The following ZNF860 variants were observed in gnomAD, a reference collection of about 807,000 sequenced individuals.
ZNF860 encodes zinc finger protein 860.
For synonymous variants in ZNF860, 206 were observed against 248.9 expected (o/e 0.83, Z 1.62); for missense variants, 641 against 759.2 (o/e 0.84, Z 1.83).
chr3:31,999,130 C>T, the ZNF860 span, among the ~76,000 whole-genome samples: 12 of 152,120 alleles, frequency 7.9e-5, no homozygotes, highest in Non-Finnish European at 1.3e-4. Flanking sequence ...CAGCTGTCTC[C>T]CCTCTGCTGT....
chr3:32,004,490 G>A, the ZNF860 span, among the ~76,000 whole-genome samples: 2 of 152,332 alleles, frequency 1.3e-5, no homozygotes, highest in East Asian at 3.9e-4. Flanking sequence ...TCAGAACACA[G>A]GGACAAAAAA....
At chr3:32,004,555 A>G in the ZNF860 span, among the ~76,000 whole-genome samples, 1 of 152,192 alleles carries the variant, frequency 6.6e-6, no homozygotes, top group Non-Finnish European at 1.5e-5. Flanking sequence ...GAACTAGAAA[A>G]TCTTGTTTCC....
At chr3:32,002,980 A>G in the ZNF860 span, among the ~76,000 whole-genome samples, 1 of 152,206 alleles carries the variant, frequency 6.6e-6, no homozygotes. Context: ...TTTAGACTTC[A>G]TTTAGGTCAG....
At chr3:32,004,942 C>T in the ZNF860 span, among the ~76,000 whole-genome samples, 1 of 152,192 alleles carries the variant, frequency 6.6e-6, no homozygotes, top group East Asian at 1.9e-4. Flanking sequence ...TGTTTCTCCC[C>T]ATAGGCACCC....
Position 31,989,806 on chromosome 3 carries a change from T to C in ZNF860, c.727T>C (p.Ser243Pro), listed in dbSNP as rs757107453. 6 of 1,614,144 alleles carry C rather than the reference T, an allele frequency of 3.7e-6. No individual in the cohort carries two copies. In the South Asian group the frequency reaches 6.6e-5, roughly 18 times the overall value. ...GAGTGGCAAAGCCTTTAATTGTAGC[T>C]CACTCTTAAGGAAACATCAGATAAT... Reference protein sequence around the residue: ...NESGKAFNCSSLLRKHQIIYL... With the variant: ...NESGKAFNCSPLLRKHQIIYL... Residue 243 changes from serine to proline, a missense_variant, in exon 2 of 2, where the codon TCA becomes CCA. By Grantham distance (74) the Ser-to-Pro change is moderately conservative. Coordinates refer to ENST00000360311, the MANE Select transcript of ZNF860 (RefSeq NM_001137674.3).
rs550108320 is a variant in ZNF860, at chr3:31,988,927, G to A, written c.-153G>A. 3.3e-5 allele frequency: 33 copies of A among 1,014,592 alleles called. No individual in the cohort carries two copies. The highest frequency in any genetic ancestry group is 3.3e-4 in the Middle Eastern group (1 of 3,062). The allele number at this position is 1,014,592 out of a possible 1,614,324, so 62.8% of individuals were successfully genotyped here. ...CCCAGCTGAAGTGCCTCCAAACCCCGACCCACAGCGACTGTGAGATAATCA... is the reference window on the plus strand; with the variant it reads ...CCCAGCTGAAGTGCCTCCAAACCCCAACCCACAGCGACTGTGAGATAATCA... On this transcript the variant is annotated 5_prime_UTR_variant, in exon 2 of 2. Transcript: ENST00000360311.
rs770476566 is a variant in ZNF860 at position 31,990,740 on chromosome 3, A to T, written c.1661A>T (p.Glu554Val). ...DTVFSRKSHHETHKRIHTGEK... is the reference protein window; with the variant it reads ...DTVFSRKSHHVTHKRIHTGEK... Reference sequence around the variant, plus strand: ...GTTTTCAGTCGCAAATCACACCATGAAACACATAAGAGAATTCATACTGGA... The same window carrying T: ...GTTTTCAGTCGCAAATCACACCATGTAACACATAAGAGAATTCATACTGGA... Residue 554 changes from glutamate (E) to valine (V), a missense_variant, in exon 2 of 2, where the codon GAA (glutamate) becomes GTA (valine). Glu to Val is a moderately radical substitution (Grantham distance 121, BLOSUM62 -2). Coordinates refer to ENST00000360311, the MANE Select transcript of ZNF860 (RefSeq NM_001137674.3). 1.2e-6 allele frequency: 2 copies of T among 1,613,674 alleles called. No individual in the cohort carries two copies. The highest frequency in any genetic ancestry group is 1.3e-5 in the African/African-American group (1 of 74,866).
intron 1 of ZNF860, 53 bp from the exon 2 acceptor site, chr3:31,988,607 G>T: frequency 5.8e-6 from 1 of 171,132 alleles, no homozygotes; most frequent in East Asian, 1.6e-4. Flanking sequence ...GTTCACTCTC[G>T]CTCTCTCTCT....
At position 31,991,584 on chromosome 3, in the gene ZNF860, G is replaced by T; in HGVS notation, c.*606G>T. ...ATGTATGGAAATTTAACTAATTTTT[G>T]GTACTGATATTGTATTCTGCAAATA... On this transcript the variant is annotated 3_prime_UTR_variant, in exon 2 of 2. Coordinates refer to ENST00000360311, the MANE Select transcript of ZNF860 (RefSeq NM_001137674.3). The T allele has an allele frequency of 6.0e-6, 1 of 166,290 alleles. No homozygotes were observed. The allele number at this position is 166,290 out of a possible 1,614,324, so 10.3% of individuals were successfully genotyped here.
rs531902153 is a variant in ZNF860 at position 31,988,906 on chromosome 3, G to A, written c.-174G>A. Reference sequence around the variant, plus strand: ...AGAGACACTGAGCCAGGAACACCCAGCTGAAGTGCCTCCAAACCCCGACCC... The same window carrying A: ...AGAGACACTGAGCCAGGAACACCCAACTGAAGTGCCTCCAAACCCCGACCC... On this transcript the variant is annotated 5_prime_UTR_variant, in exon 2 of 2. Transcript: ENST00000360311. 1.3e-5 allele frequency: 10 copies of A among 766,344 alleles called. No individual in the cohort carries two copies. The highest frequency in any genetic ancestry group is 1.2e-4 in the African/African-American group (7 of 56,838). 47.5% of individuals were successfully genotyped at this position (766,344 alleles called of 1,614,324 possible). A position where few individuals can be genotyped will look rare whatever the true frequency, so the allele number is the denominator to read the frequency against.
chr3:31,993,761 A>G (rs887839458), downstream of ZNF860, among the ~76,000 whole-genome samples: 2 of 152,152 alleles, frequency 1.3e-5, no homozygotes, highest in Admixed American at 1.3e-4. Context: ...ACTCTTACAC[A>G]TTGCTGGTGA....
At chr3:31,987,629 G>T (rs1698951978) in intron 1 of ZNF860, among the ~76,000 whole-genome samples, 1 of 152,156 alleles carries the variant, frequency 6.6e-6, no homozygotes, top group Non-Finnish European at 1.5e-5. Flanking sequence ...CTAATCCACA[G>T]GGTCTCTCAT....
At chr3:31,994,735 G>A (rs72854177), downstream of ZNF860, among the ~76,000 whole-genome samples, 1,408 of 152,270 alleles carry the variant, frequency 9.2e-3, 26 homozygotes, top group African/African-American at 0.032. Flanking sequence ...TACTGCCAAA[G>A]GAAGAAACAG....
rs1409795583 is a variant in ZNF860 at position 31,990,184 on chromosome 3, C to A, written c.1105C>A (p.Pro369Thr). Reference sequence around the variant, plus strand: ...CACTAGAATTCACACTGGAGAGAAACCTTACAAGTGTAATGAGTGTGGCAA... The same window carrying A: ...CACTAGAATTCACACTGGAGAGAAAACTTACAAGTGTAATGAGTGTGGCAA... ...QHTRIHTGEK[P>T]YKCNECGKAF... Residue 369 changes from proline to threonine, a missense_variant, in exon 2 of 2, where the codon CCT (proline) becomes ACT (threonine). Pro to Thr is a conservative substitution (Grantham distance 38, BLOSUM62 -1). Transcript: ENST00000360311. 5 of 1,613,756 alleles carry A rather than the reference C, an allele frequency of 3.1e-6. No homozygotes were observed. The highest frequency in any genetic ancestry group is 1.3e-5 in the African/African-American group (1 of 74,874).
the ZNF860 span, among the ~76,000 whole-genome samples, chr3:31,997,805 A>G: frequency 2.0e-5 from 3 of 151,920 alleles, no homozygotes; most frequent in Admixed American, 2.0e-4. Context: ...TTTCTGAGAC[A>G]GGGTCTTACT....
rs759575102 is a variant in ZNF860 at position 31,989,007 on chromosome 3, T to C, written c.-73T>C. On this transcript the variant is annotated 5_prime_UTR_variant, in exon 2 of 2. Transcript: ENST00000360311. ...TGATAATTTGTTTCTCGGAAACAGA[T>C]AACTAATACAGAGCAGGAAGCAGAT... is the stretch of plus-strand genomic sequence containing the variant. 7 of 1,570,878 alleles carry C rather than the reference T, an allele frequency of 4.5e-6. No homozygotes were observed. In the East Asian group the frequency reaches 1.1e-4, roughly 25 times the overall value.
At position 31,985,497 on chromosome 3, in the gene ZNF860, A is replaced by G. The variant is rs575731237; in HGVS notation, c.-420-3163A>G. Reference sequence around the variant, plus strand: ...AGTAGTTCCTAGTAGGGAGCTGACTACCCCATCTTCTTCTCCACATGGACC... The same window carrying G: ...AGTAGTTCCTAGTAGGGAGCTGACTGCCCCATCTTCTTCTCCACATGGACC... On this transcript the variant is annotated intron_variant, in intron 1 of 1. Coordinates refer to ENST00000360311, the MANE Select transcript of ZNF860 (RefSeq NM_001137674.3). 3.4e-4 allele frequency among the ~76,000 whole-genome samples: 52 copies of G among 152,296 alleles called. 1 individual carries two copies. The Middle Eastern group carries it at 0.014, about 40-fold the overall frequency.
Position 31,991,054 on chromosome 3 carries a change from T to C in ZNF860, c.*76T>C, listed in dbSNP as rs1699021996. 3 of 1,359,980 alleles carry C rather than the reference T, an allele frequency of 2.2e-6. No homozygotes were observed. Among genetic ancestry groups the C allele is most frequent in the South Asian group, 2.9e-5 (2 of 69,148 alleles). The allele number at this position is 1,359,980 out of a possible 1,614,324, so 84.2% of individuals were successfully genotyped here. A position where few individuals can be genotyped will look rare whatever the true frequency, so the allele number is the denominator to read the frequency against. On this transcript the variant is annotated 3_prime_UTR_variant, in exon 2 of 2. Transcript: ENST00000360311. ...CAAATGCAATGAGTATAGCAAACCA[T>C]CAAGCATTAATTGACATTAGAGTCA...
Position 31,990,964 on chromosome 3 carries a change from A to C in ZNF860, c.1885A>C (p.Lys629Gln). Residue 629 changes from lysine to glutamine, a missense_variant, in exon 2 of 2, where the codon AAG becomes CAG. Transcript: ENST00000360311. The part of the protein sequence containing the change: ...QKSYKCHKRG[K>Q]VFS ...ATCTTACAAATGTCATAAGCGTGGC[A>C]AGGTCTTCAGTTAGAGGTCACTCCT... The C allele has an allele frequency of 6.3e-7, 1 of 1,574,974 alleles. No individual in the cohort carries two copies. The highest frequency in any genetic ancestry group is 1.9e-5 in the Admixed American group (1 of 53,956).
Sources: allele counts gnomAD v4.1 joint callset (sites outside exome capture counted in the v4.1 genomes callset), GRCh38; gene constraint gnomAD v4.1.1; transcripts MANE v1.5; gene names NCBI Gene and HGNC (gene_info 2026-07-23, HGNC 2026-07-21).